The following ATF2 variants were observed in gnomAD, a reference collection of about 807,000 sequenced individuals.
The protein encoded by ATF2 is activating transcription factor 2.
Under a neutral mutation model 60.6 loss-of-function variants are expected in ATF2, and 24 were observed. The observed-to-expected ratio is 0.40, with a 90% CI of 0.29 to 0.56. The LOEUF (loss-of-function observed/expected upper bound fraction) is 0.56, where lower values mean the gene tolerates loss of function less well. Ranked by LOEUF, ATF2 falls within the 20% of genes least tolerant of loss-of-function variation. The pLI is 0.54. For missense variants in ATF2, 433 were observed against 607.7 expected, an observed-to-expected ratio of 0.71 and a Z score of 3.02; for synonymous variants, 206 against 215.4, an observed-to-expected ratio of 0.96 and a Z score of 0.38.
At chr2:175,157,064 A>G (rs1574503052) in intron 1 of ATF2, among the ~76,000 whole-genome samples, 1 of 152,358 alleles carries the variant, frequency 6.6e-6, no homozygotes, top group East Asian at 1.9e-4. Flanking sequence ...TAAAGGGCAT[A>G]CAATTTCCAG....
chr2:175,162,343 C>T (rs1485569805), intron 1 of ATF2, among the ~76,000 whole-genome samples: 4 of 152,182 alleles, frequency 2.6e-5, no homozygotes, highest in Non-Finnish European at 2.9e-5. Context: ...TAGGTAATCA[C>T]GCTTCATTAA....
chr2:175,137,989 A>G (rs990127917), intron 2 of ATF2, among the ~76,000 whole-genome samples: 2 of 152,158 alleles, frequency 1.3e-5, no homozygotes, highest in Non-Finnish European at 2.9e-5. Context: ...TTTTTATTGC[A>G]GTGTTGCAAA....
intron 5 of ATF2, 57 bp from the exon 6 acceptor site, chr2:175,118,426 TA>T: frequency 7.2e-7 from 1 of 1,387,942 alleles, no homozygotes; most frequent in Non-Finnish European, 1.0e-6. Context: ...GACTCTAAAA[TA>T]TAGCTACTAA....
intron 10 of ATF2, among the ~76,000 whole-genome samples, chr2:175,100,392 T>C (rs1695230567): frequency 6.6e-6 from 1 of 152,232 alleles, no homozygotes; most frequent in Non-Finnish European, 1.5e-5. Flanking sequence ...TTCTGAATTT[T>C]CAAAATATCC....
intron 1 of ATF2, among the ~76,000 whole-genome samples, chr2:175,163,258 A>T (rs1010131188): frequency 6.6e-6 from 1 of 152,112 alleles, no homozygotes; most frequent in Non-Finnish European, 1.5e-5. Context: ...AGCTAAAAAA[A>T]TTAGAATGAC....
chr2:175,098,628 T>C (rs1013451831), intron 10 of ATF2, among the ~76,000 whole-genome samples: 1 of 152,182 alleles, frequency 6.6e-6, no homozygotes, highest in Non-Finnish European at 1.5e-5. Flanking sequence ...TACATAACTG[T>C]CTGGGGTGTT....
chr2:175,111,560 T>C lies in ATF2; in HGVS notation c.828+8A>G, dbSNP rs1423677080. 2 of 1,607,022 alleles carry C rather than the reference T, an allele frequency of 1.2e-6. No homozygotes were observed. ...AGCAATGTACAGAACAAATAAAATCTGGCTTACCATTTTTGCTTCTGACTG... is the reference window on the plus strand; with the variant it reads ...AGCAATGTACAGAACAAATAAAATCCGGCTTACCATTTTTGCTTCTGACTG... On this transcript the variant is annotated splice_region_variant and intron_variant, in intron 10 of 13. Transcript: ENST00000264110.
chr2:175,161,448 A>C (rs1428290767), intron 1 of ATF2, among the ~76,000 whole-genome samples: 1 of 152,234 alleles, frequency 6.6e-6, no homozygotes, highest in Non-Finnish European at 1.5e-5. Context: ...GCTCACAGCA[A>C]GACTATGAGT....
chr2:175,126,062 T>C (rs1169646405), intron 4 of ATF2, among the ~76,000 whole-genome samples: 1 of 152,178 alleles, frequency 6.6e-6, no homozygotes, highest in East Asian at 1.9e-4. Context: ...CCATTCTCTC[T>C]TCAACCTACT....
chr2:175,138,720 TCCTTTGTGATACCTTCC>T (rs1194902815), intron 2 of ATF2, among the ~76,000 whole-genome samples: 1 of 152,200 alleles, frequency 6.6e-6, no homozygotes. Flanking sequence ...AAATAACACT[TCCTTTGTGATACCTTCC>T]CCATAATCCA....
intron 2 of ATF2, among the ~76,000 whole-genome samples, chr2:175,143,528 T>G (rs2105790817): frequency 6.6e-6 from 1 of 152,256 alleles, no homozygotes; most frequent in African/African-American, 2.4e-5. Flanking sequence ...AACTGCTATA[T>G]CAAAGTAAAG....
At chr2:175,159,482 T>C (rs1393630605) in intron 1 of ATF2, among the ~76,000 whole-genome samples, 1 of 152,150 alleles carries the variant, frequency 6.6e-6, no homozygotes, top group African/African-American at 2.4e-5. Context: ...AGCAGTATTT[T>C]TTCCCCCACT....
chr2:175,080,799 G>T, intron 12 of ATF2, 34 bp from the exon 13 acceptor site: 2 of 1,506,416 alleles, frequency 1.3e-6, no homozygotes, highest in Non-Finnish European at 1.8e-6. Context: ...CCTTACCACA[G>T]ACTAAACATA....
intron 1 of ATF2, among the ~76,000 whole-genome samples, chr2:175,160,957 G>C (rs370940929): frequency 3.9e-5 from 6 of 152,120 alleles, no homozygotes; most frequent in African/African-American, 1.2e-4. Flanking sequence ...AAGATCTCTC[G>C]AGCCCCAGAG....
At chr2:175,078,217 C>T (rs1294427489) in intron 13 of ATF2, among the ~76,000 whole-genome samples, 9 of 152,150 alleles carry the variant, frequency 5.9e-5, no homozygotes, top group African/African-American at 1.7e-4. Context: ...ACAATCTTCC[C>T]GCCTTGGCCT....
At chr2:175,083,440 C>A (rs1476333269) in intron 12 of ATF2, among the ~76,000 whole-genome samples, 2 of 152,136 alleles carry the variant, frequency 1.3e-5, no homozygotes, top group Non-Finnish European at 2.9e-5. Flanking sequence ...AACTGGCTAG[C>A]CATATGTAGA....
At chr2:175,124,260 C>G (rs901065246) in intron 4 of ATF2, among the ~76,000 whole-genome samples, 1 of 146,052 alleles carries the variant, frequency 6.8e-6, no homozygotes, top group African/African-American at 2.5e-5. Context: ...GAGTATATAG[C>G]TCAATAAACA....
At chr2:175,135,006 T>TAAAAAA (rs60122560) in intron 3 of ATF2, among the ~76,000 whole-genome samples, 2 of 85,782 alleles carry the variant, frequency 2.3e-5, no homozygotes, top group African/African-American at 4.5e-5. Flanking sequence ...CCCATCTCTT[T>TAAAAAA]AAAAAAAAAA....
intron 10 of ATF2, among the ~76,000 whole-genome samples, chr2:175,108,479 C>T (rs938492068): frequency 6.7e-6 from 1 of 149,048 alleles, no homozygotes; most frequent in African/African-American, 2.5e-5. Context: ...TCAGCCCCCG[C>T]CCGGCCAGCC....
Sources: allele counts gnomAD v4.1 joint callset (sites outside exome capture counted in the v4.1 genomes callset), GRCh38; gene constraint gnomAD v4.1.1; transcripts MANE v1.5; gene names NCBI Gene and HGNC (gene_info 2026-07-23, HGNC 2026-07-21).